LSAMP: variants seen among roughly 807,000 people sequenced by gnomAD.
The protein encoded by LSAMP is limbic system-associated membrane protein.
A neutral mutation model predicts 38.6 loss-of-function variants in LSAMP; 7 were observed. The observed-to-expected ratio is 0.18, with a 90% CI of 0.10 to 0.34. The LOEUF is 0.34. Among genes scored for constraint, LSAMP ranks in the 10% least tolerant of loss-of-function variants. LSAMP has a pLI of 1.00. For synonymous variants in LSAMP, 154 were observed against 166.8 expected (o/e 0.92, Z 0.59); for missense variants, 313 against 420.0 (o/e 0.75, Z 2.23).
At chr3:116,330,802 G>T (rs2047841732) in intron 1 of LSAMP, among the ~76,000 whole-genome samples, 2 of 152,048 alleles carry the variant, frequency 1.3e-5, no homozygotes, top group South Asian at 4.1e-4. Flanking sequence ...GTATGGGAAA[G>T]ATTTCCAAAG....
At chr3:116,237,874 G>A (rs1212867057) in intron 1 of LSAMP, among the ~76,000 whole-genome samples, 1 of 152,148 alleles carries the variant, frequency 6.6e-6, no homozygotes, top group Non-Finnish European at 1.5e-5. Context: ...AGACATCCAA[G>A]GGCCAGTACA....
intron 3 of LSAMP, among the ~76,000 whole-genome samples, chr3:115,932,218 CATATTATAG>C (rs1360015995): frequency 6.6e-6 from 1 of 151,984 alleles, no homozygotes. Context: ...TGACTGTTCC[CATATTATAG>C]ATACTGAACT....
intron 3 of LSAMP, among the ~76,000 whole-genome samples, chr3:115,868,592 T>C (rs1935926552): frequency 6.6e-6 from 1 of 152,112 alleles, no homozygotes; most frequent in Non-Finnish European, 1.5e-5. Flanking sequence ...AGCATAAATA[T>C]ATTTTTCACT....
chr3:116,336,237 C>G (rs1036511654), intron 1 of LSAMP, among the ~76,000 whole-genome samples: 1 of 151,728 alleles, frequency 6.6e-6, no homozygotes, highest in Non-Finnish European at 1.5e-5. Flanking sequence ...AAGGCACAGG[C>G]AACAAAAGAA....
At chr3:116,001,280 C>A (rs961095442) in intron 3 of LSAMP, among the ~76,000 whole-genome samples, 3 of 152,174 alleles carry the variant, frequency 2.0e-5, no homozygotes, top group Admixed American at 6.5e-5. Context: ...ATATTAGTCA[C>A]CAGTAATAAA....
chr3:116,005,576 C>T (rs1332655347), intron 3 of LSAMP, among the ~76,000 whole-genome samples: 1 of 152,182 alleles, frequency 6.6e-6, no homozygotes, highest in Non-Finnish European at 1.5e-5. Flanking sequence ...CAGCAGAGCC[C>T]GTGATCCACT....
chr3:115,940,311 C>T (rs898328045), intron 3 of LSAMP, among the ~76,000 whole-genome samples: 9 of 152,240 alleles, frequency 5.9e-5, no homozygotes, highest in East Asian at 1.9e-4. Flanking sequence ...GCCCCGCCCA[C>T]GTCCTACTGA....
rs568989036 is a variant in LSAMP, at chr3:116,035,694, G to A, written c.389-16054C>T. Reference sequence around the variant, plus strand: ...TAGCTCTGTTTATACTCTGTCCAGCGACCATGGACCTCACCATTTAGTCCA... The same window carrying A: ...TAGCTCTGTTTATACTCTGTCCAGCAACCATGGACCTCACCATTTAGTCCA... On this transcript the variant is annotated intron_variant, in intron 2 of 6. Transcript: ENST00000490035. Among the ~76,000 whole-genome samples the A allele has an allele frequency of 3.3e-5, 5 of 152,128 alleles. No homozygotes were observed. The South Asian group carries it at 6.2e-4, about 19-fold the overall frequency.
intron 3 of LSAMP, among the ~76,000 whole-genome samples, chr3:116,011,503 C>A (rs528190979): frequency 5.3e-5 from 8 of 151,962 alleles, no homozygotes; most frequent in African/African-American, 1.9e-4. Flanking sequence ...TTGAATTAGG[C>A]ATTTAATGTC....
chr3:116,267,071 G>T (rs1181014303), intron 1 of LSAMP, among the ~76,000 whole-genome samples: 1 of 152,100 alleles, frequency 6.6e-6, no homozygotes, highest in African/African-American at 2.4e-5. Context: ...CCAAAGCAGG[G>T]ATTCAAAACT....
At chr3:115,999,324 C>T in intron 3 of LSAMP, among the ~76,000 whole-genome samples, 1 of 152,152 alleles carries the variant, frequency 6.6e-6, no homozygotes, top group African/African-American at 2.4e-5. Flanking sequence ...TTATCATTCT[C>T]CTCTCTGGCT....
At chr3:115,909,224 C>G (rs1466954211) in intron 3 of LSAMP, among the ~76,000 whole-genome samples, 1 of 152,200 alleles carries the variant, frequency 6.6e-6, no homozygotes, top group Non-Finnish European at 1.5e-5. Flanking sequence ...ATCCCAGATG[C>G]CTTCTGAAAT....
intron 1 of LSAMP, among the ~76,000 whole-genome samples, chr3:116,273,105 A>G (rs2046995483): frequency 6.6e-6 from 1 of 152,128 alleles, no homozygotes; most frequent in Non-Finnish European, 1.5e-5. Context: ...GAAAGAGATA[A>G]GCAGGACAGA....
chr3:116,065,149 G>A (rs1306589915), intron 2 of LSAMP, among the ~76,000 whole-genome samples: 9 of 152,170 alleles, frequency 5.9e-5, no homozygotes, highest in African/African-American at 2.2e-4. Flanking sequence ...TATGGATAAC[G>A]TTTAGTTTGG....
Position 116,432,572 on chromosome 3 carries a change from TTTA to T in LSAMP, c.155+12302_155+12304del, listed in dbSNP as rs976354483. Reference sequence around the variant, plus strand: ...ATATTTATAATATAATTTAGGATTTTTTAAAAAAATTGTGCATATTATCATTCT... The same window carrying T: ...ATATTTATAATATAATTTAGGATTTTAAAAAATTGTGCATATTATCATTCT... On this transcript the variant is annotated intron_variant, in intron 1 of 6. Coordinates refer to ENST00000490035, the MANE Select transcript of LSAMP (RefSeq NM_002338.5). 1.3e-3 allele frequency among the ~76,000 whole-genome samples: 199 copies of T among 151,902 alleles called. 3 individuals are homozygous for T. The highest frequency in any genetic ancestry group is 0.013 in the Admixed American group (191 of 15,266).
chr3:116,418,052 T>C (rs935106260), intron 1 of LSAMP, among the ~76,000 whole-genome samples: 1 of 152,258 alleles, frequency 6.6e-6, no homozygotes, highest in African/African-American at 2.4e-5. Flanking sequence ...ATTTTTAGAA[T>C]ATTTGTTTTG....
intron 1 of LSAMP, among the ~76,000 whole-genome samples, chr3:116,352,125 A>G (rs1351472447): frequency 1.3e-5 from 2 of 152,068 alleles, no homozygotes; most frequent in African/African-American, 4.8e-5. Flanking sequence ...TTAAGCAGAA[A>G]GTTCCACTTC....
intron 5 of LSAMP, among the ~76,000 whole-genome samples, 187 bp from the exon 6 acceptor site, chr3:115,842,180 A>G (rs1935019002): frequency 6.6e-6 from 1 of 152,206 alleles, no homozygotes; most frequent in Admixed American, 6.5e-5. Flanking sequence ...ATCAACAGAG[A>G]AAACTAGGGA....
At chr3:116,438,718 C>T (rs2049389048) in intron 1 of LSAMP, among the ~76,000 whole-genome samples, 1 of 152,146 alleles carries the variant, frequency 6.6e-6, no homozygotes, top group African/African-American at 2.4e-5. Flanking sequence ...CAACTTAGAA[C>T]AGTTCTGTAC....
Sources: allele counts gnomAD v4.1 joint callset (sites outside exome capture counted in the v4.1 genomes callset), GRCh38; gene constraint gnomAD v4.1.1; transcripts MANE v1.5; gene names NCBI Gene and HGNC (gene_info 2026-07-23, HGNC 2026-07-21).